RIT2: variants seen among roughly 807,000 people sequenced by gnomAD.
The protein encoded by RIT2 is Ras like without CAAX 2, also known as GTP-binding protein Rit2.
RIT2 carries 24 observed loss-of-function variants against 23.7 expected under a neutral mutation model. The observed-to-expected ratio is 1.01, with a 90% CI of 0.73 to 1.43. RIT2 has a LOEUF of 1.43. Among genes scored for constraint, RIT2 ranks in the 40% most tolerant of loss-of-function variants. The pLI is 0.00. For missense variants in RIT2, 236 were observed against 266.9 expected (o/e 0.88, Z 0.81); for synonymous variants, 107 against 91.1 (o/e 1.17, Z -0.99).
At chr18:42,889,561 T>A (rs1176231178) in intron 4 of RIT2, among the ~76,000 whole-genome samples, 2 of 152,104 alleles carry the variant, frequency 1.3e-5, no homozygotes, top group African/African-American at 4.8e-5. Context: ...TAACTGGGGT[T>A]TCTAACTGAA....
rs112175700 is a variant in RIT2, at chr18:42,795,707, C to A, written c.427-51987G>T. ...AGCTGGGGTCCTGAGTCTGTTGGGGCCTTGGAGAACCTTTATGTCTAGCTC... is the reference window on the plus strand; with the variant it reads ...AGCTGGGGTCCTGAGTCTGTTGGGGACTTGGAGAACCTTTATGTCTAGCTC... On this transcript the variant is annotated intron_variant, in intron 4 of 4. Transcript: ENST00000326695. Among the ~76,000 whole-genome samples the A allele has an allele frequency of 1.2e-3, 189 of 152,342 alleles. No homozygotes were observed. The Middle Eastern group carries it at 0.014, about 11-fold the overall frequency.
At chr18:42,870,309 C>T (rs1317295833) in intron 4 of RIT2, among the ~76,000 whole-genome samples, 2 of 151,942 alleles carry the variant, frequency 1.3e-5, no homozygotes, top group East Asian at 3.9e-4. Flanking sequence ...GGTGCGATCT[C>T]GGCTCAGTGC....
chr18:42,866,129 G>A (rs188740722), intron 4 of RIT2, among the ~76,000 whole-genome samples: 5 of 152,250 alleles, frequency 3.3e-5, no homozygotes, highest in Admixed American at 3.3e-4. Flanking sequence ...ACCTGAGTGG[G>A]TGTTTATTAT....
At chr18:42,964,604 C>G (rs144883531) in intron 3 of RIT2, among the ~76,000 whole-genome samples, 1 of 152,224 alleles carries the variant, frequency 6.6e-6, no homozygotes, top group African/African-American at 2.4e-5. Flanking sequence ...AAGGCATGAA[C>G]GACTATGTTT....
At chr18:43,023,626 G>A (rs560623049) in intron 2 of RIT2, among the ~76,000 whole-genome samples, 49 of 152,084 alleles carry the variant, frequency 3.2e-4, no homozygotes, top group African/African-American at 1.1e-3. Flanking sequence ...AAGGTTGAAG[G>A]GACAATAAGT....
chr18:42,847,234 G>T (rs1906934854), intron 4 of RIT2, among the ~76,000 whole-genome samples: 1 of 152,050 alleles, frequency 6.6e-6, no homozygotes, highest in Non-Finnish European at 1.5e-5. Context: ...AAAAGGTGTT[G>T]CCTTAGAGAA....
chr18:42,927,997 G>C (rs1368550216), intron 3 of RIT2, among the ~76,000 whole-genome samples: 1 of 151,942 alleles, frequency 6.6e-6, no homozygotes, highest in East Asian at 1.9e-4. Context: ...AGATATGAAT[G>C]CCTCACTACA....
At chr18:42,760,086 A>T (rs1913266553) in intron 4 of RIT2, among the ~76,000 whole-genome samples, 1 of 152,234 alleles carries the variant, frequency 6.6e-6, no homozygotes, top group South Asian at 2.1e-4. Flanking sequence ...CTATATTTTT[A>T]AAATTTACAT....
intron 4 of RIT2, among the ~76,000 whole-genome samples, chr18:42,778,078 C>A (rs1372936197): frequency 6.6e-6 from 1 of 152,050 alleles, no homozygotes; most frequent in Middle Eastern, 3.2e-3. Context: ...TATTCAAAGC[C>A]CTCATGCTGC....
chr18:42,768,179 A>G (rs939255131), intron 4 of RIT2, among the ~76,000 whole-genome samples: 1 of 152,030 alleles, frequency 6.6e-6, no homozygotes, highest in African/African-American at 2.4e-5. Context: ...CCTCACCCTC[A>G]CTGATCTAGT....
intron 1 of RIT2, among the ~76,000 whole-genome samples, chr18:43,054,056 G>C (rs921920684): frequency 3.3e-5 from 5 of 152,054 alleles, no homozygotes; most frequent in Non-Finnish European, 7.4e-5. Flanking sequence ...GGAACTCTTT[G>C]ACCACTTGCA....
intron 1 of RIT2, among the ~76,000 whole-genome samples, chr18:43,051,758 G>A (rs1598762529): frequency 6.6e-6 from 1 of 152,114 alleles, no homozygotes; most frequent in Non-Finnish European, 1.5e-5. Flanking sequence ...ATTAACTCAG[G>A]AGGGATATAA....
At chr18:42,895,125 AGATAT>A (rs1908288558) in intron 4 of RIT2, among the ~76,000 whole-genome samples, 1 of 152,202 alleles carries the variant, frequency 6.6e-6, no homozygotes. Context: ...TTATGCAATT[AGATAT>A]AAGATATGAA....
At chr18:42,952,720 A>G (rs1259300117) in intron 3 of RIT2, among the ~76,000 whole-genome samples, 1 of 152,072 alleles carries the variant, frequency 6.6e-6, no homozygotes, top group African/African-American at 2.4e-5. Context: ...AAATCTTCCA[A>G]TTTTATGAAA....
chr18:43,020,787 G>T (rs1031040879), intron 2 of RIT2, among the ~76,000 whole-genome samples: 2 of 152,108 alleles, frequency 1.3e-5, no homozygotes, highest in Non-Finnish European at 2.9e-5. Flanking sequence ...AATAAATGGT[G>T]CTGGAAAAAC....
intron 1 of RIT2, among the ~76,000 whole-genome samples, chr18:43,067,324 A>C (rs1403154075): frequency 6.6e-6 from 1 of 152,166 alleles, no homozygotes; most frequent in Non-Finnish European, 1.5e-5. Context: ...ATATTTGAAG[A>C]GATTATTCTG....
chr18:43,038,345 A>G (rs1183320811), intron 1 of RIT2, among the ~76,000 whole-genome samples: 1 of 71,152 alleles, frequency 1.4e-5, no homozygotes, highest in Non-Finnish European at 2.9e-5. Context: ...TGTTGTTTTT[A>G]TTCTTCAAGG....
At chr18:42,800,679 G>GC (rs992735520) in intron 4 of RIT2, among the ~76,000 whole-genome samples, 3 of 151,770 alleles carry the variant, frequency 2.0e-5, no homozygotes, top group African/African-American at 7.3e-5. Context: ...ACAGGCACCC[G>GC]CCCCCACGCC....
intron 3 of RIT2, among the ~76,000 whole-genome samples, chr18:42,940,387 T>A (rs546994208): frequency 1.3e-5 from 2 of 149,094 alleles, no homozygotes; most frequent in Admixed American, 1.4e-4. Context: ...TAGTTAAATA[T>A]ATATAATTTG....
Sources: gnomAD v4.1 joint callset for allele counts (sites outside exome capture counted in the v4.1 genomes callset) on GRCh38, gnomAD v4.1.1 for gene constraint, MANE v1.5 for transcripts, NCBI Gene and HGNC (gene_info 2026-07-23, HGNC 2026-07-21) for gene names.